The following TNS1 variants were observed in gnomAD, a reference collection of about 807,000 sequenced individuals.
The protein encoded by TNS1 is tensin-1.
TNS1 carries 62 observed loss-of-function variants against 168.6 expected under a neutral mutation model. The observed-to-expected ratio is 0.37, with a 90% CI of 0.30 to 0.45. The LOEUF (loss-of-function observed/expected upper bound fraction) is 0.45. Among genes scored for constraint, TNS1 ranks in the 20% least tolerant of loss-of-function variants. TNS1 has a pLI of 1.00. For missense variants in TNS1, 2,240 were observed against 2,339.4 expected, an observed-to-expected ratio of 0.96 and a Z score of 0.88; for synonymous variants, 934 against 933.2, an observed-to-expected ratio of 1.00 and a Z score of -0.02.
At chr2:217,849,687 A>C in intron 18 of TNS1, 3 of 985,362 alleles carry the variant, frequency 3.0e-6, no homozygotes, top group Non-Finnish European at 3.6e-6. Context: ...CCCTGCTTCG[A>C]TGTCTGGAGT....
At chr2:217,861,301 C>A (rs1206820754) in intron 18 of TNS1, among the ~76,000 whole-genome samples, 1 of 152,258 alleles carries the variant, frequency 6.6e-6, no homozygotes, top group East Asian at 1.9e-4. Context: ...CTGAATGAGA[C>A]GTGCCTGCCC....
At chr2:217,861,255 C>T (rs1421115916) in intron 18 of TNS1, among the ~76,000 whole-genome samples, 1 of 152,156 alleles carries the variant, frequency 6.6e-6, no homozygotes, top group Admixed American at 6.5e-5. Flanking sequence ...TGGGTCAGAA[C>T]AAGCCAATCG....
At chr2:217,936,895 A>G (rs907829573) in intron 3 of TNS1, 20 of 455,076 alleles carry the variant, frequency 4.4e-5, no homozygotes, top group Non-Finnish European at 8.4e-5. Flanking sequence ...TATGAATCCT[A>G]TTTTACAGAT....
chr2:217,896,530 A>G (rs1434846159), intron 8 of TNS1, among the ~76,000 whole-genome samples: 2 of 152,224 alleles, frequency 1.3e-5, no homozygotes, highest in African/African-American at 4.8e-5. Flanking sequence ...ACCGCAAGCT[A>G]GGAAAAGGCA....
At chr2:217,816,368 A>G (rs553102044) in intron 24 of TNS1, among the ~76,000 whole-genome samples, 2 of 152,302 alleles carry the variant, frequency 1.3e-5, no homozygotes, top group East Asian at 3.9e-4. Flanking sequence ...AAGAGAGCAG[A>G]TCAGGAGACA....
chr2:217,937,046 C>T, intron 3 of TNS1: 1 of 456,464 alleles, frequency 2.2e-6, no homozygotes, highest in Non-Finnish European at 4.4e-6. Flanking sequence ...TTCCTCCCCG[C>T]AAAACTCCTT....
chr2:217,974,993 CAG>C (rs1173545567), intron 3 of TNS1, among the ~76,000 whole-genome samples: 1 of 152,184 alleles, frequency 6.6e-6, no homozygotes, highest in Non-Finnish European at 1.5e-5. Flanking sequence ...GTAGAAATAA[CAG>C]TGTGTCTTCC....
intron 18 of TNS1, among the ~76,000 whole-genome samples, chr2:217,866,012 T>A (rs1025583225): frequency 1.3e-5 from 2 of 151,978 alleles, no homozygotes; most frequent in African/African-American, 4.8e-5. Context: ...TTTCAGAAAA[T>A]CTAGAAAATC....
At chr2:217,810,475 C>T (rs1346188044) in intron 28 of TNS1, among the ~76,000 whole-genome samples, 156 bp from the exon 29 acceptor site, 3 of 152,182 alleles carry the variant, frequency 2.0e-5, no homozygotes, top group East Asian at 1.9e-4. Context: ...TCAGTCTGAA[C>T]GTTTGATGAT....
rs567765990 is a variant in TNS1, at chr2:217,959,965, G to A, written c.186+18800C>T. 5.3e-5 allele frequency among the ~76,000 whole-genome samples: 8 copies of A among 152,200 alleles called. 1 individual carries two copies. The highest frequency in any genetic ancestry group is 8.8e-5 in the Non-Finnish European group (6 of 68,016). The stretch of plus-strand genomic sequence containing the variant: ...GCAGAGTGTTTATCATCATCCTCAC[G>A]TGTGAAGGGAGGAGGGTGGAGAAGG... On this transcript the variant is annotated intron_variant, in intron 3 of 32. Transcript: ENST00000682258.
chr2:217,859,806 G>C, intron 18 of TNS1: 1 of 896,190 alleles, frequency 1.1e-6, no homozygotes, highest in East Asian at 2.7e-5. Context: ...AAAGGCAGGT[G>C]AACGGCCCTC....
intron 6 of TNS1, among the ~76,000 whole-genome samples, chr2:217,904,264 G>A (rs904245938): frequency 5.3e-5 from 8 of 152,158 alleles, no homozygotes; most frequent in Admixed American, 2.0e-4. Context: ...ACACCAACTC[G>A]GCAGGAGGAA....
chr2:218,010,056 C>CG (rs757204276), intron 1 of TNS1: 9,164 of 83,066 alleles, frequency 0.11, 625 homozygotes, highest in African/African-American at 0.43. Context: ...AGGGAGGGGG[C>CG]GGGGGGGGGT....
Position 217,995,711 on chromosome 2 carries a change from C to T in TNS1, c.34-4655G>A, listed in dbSNP as rs1431116764. The stretch of plus-strand genomic sequence containing the variant: ...TGCAAAGGAACCTACTTAGGGAAAA[C>T]TCAGGGGCAAAAGGAGACACAGCCA... On this transcript the variant is annotated intron_variant, in intron 1 of 32. Transcript: ENST00000682258. This position sits in a 1 kb window ranked among gnomAD's most constrained non-coding sequence, Gnocchi z 4.1. Among the ~76,000 whole-genome samples the T allele has an allele frequency of 5.9e-5, 9 of 152,110 alleles. No homozygotes were observed. Among genetic ancestry groups the T allele is most frequent in the Admixed American group, 5.9e-4 (9 of 15,284 alleles).
At chr2:217,855,148 G>A (rs752522754) in intron 18 of TNS1, among the ~76,000 whole-genome samples, 56 of 152,124 alleles carry the variant, frequency 3.7e-4, no homozygotes, top group African/African-American at 8.2e-4. Context: ...CAACCCCCAC[G>A]CTGGAAATGT....
chr2:217,944,369 G>T (rs868613423), intron 3 of TNS1, among the ~76,000 whole-genome samples: 1 of 152,232 alleles, frequency 6.6e-6, no homozygotes, highest in Non-Finnish European at 1.5e-5. Flanking sequence ...GGGGACAGGG[G>T]TGGGGAAGCG....
rs149673871 is a variant in TNS1 at position 217,847,958 on chromosome 2, T to C, written c.2559A>G (p.Leu853=). Residue 853 remains leucine, a synonymous_variant, in exon 19 of 33, where the codon CTA becomes CTG. Transcript: ENST00000682258. The part of the protein sequence containing the change: ...DLEPASAAAP[L]HKSQSVPGAW... ...CCCCGGGGACACTCTGGGACTTGTG[T>C]AGTGGGGCAGCAGCGGAGGCTGGCT... 3 of 1,508,792 alleles carry C rather than the reference T, an allele frequency of 2.0e-6. No individual in the cohort carries two copies. The highest frequency in any genetic ancestry group is 1.4e-5 in the South Asian group (1 of 73,618). The allele number at this position is 1,508,792 out of a possible 1,614,324, so 93.5% of individuals were successfully genotyped here.
chr2:217,974,951 A>G (rs1301135665), intron 3 of TNS1, among the ~76,000 whole-genome samples: 1 of 152,196 alleles, frequency 6.6e-6, no homozygotes, highest in Admixed American at 6.5e-5. Context: ...TCCACACTGA[A>G]TAAGGCTGAC....
At chr2:218,008,374 G>A (rs943575064) in intron 1 of TNS1, among the ~76,000 whole-genome samples, 3 of 152,192 alleles carry the variant, frequency 2.0e-5, no homozygotes, top group Admixed American at 2.0e-4. Flanking sequence ...AAGTGGTTCC[G>A]TCATCCTCTA....
Sources: gnomAD v4.1 joint callset for allele counts (sites outside exome capture counted in the v4.1 genomes callset) on GRCh38, gnomAD v4.1.1 for gene constraint, Gnocchi (gnomAD v3.1) non-coding constraint, MANE v1.5 for transcripts, NCBI Gene and HGNC (gene_info 2026-07-23, HGNC 2026-07-21) for gene names.